ESR1: variants seen among roughly 807,000 people sequenced by gnomAD.
ESR1 encodes the protein estrogen receptor 1.
Under a neutral mutation model 52.7 loss-of-function variants are expected in ESR1, and 12 were observed. The ratio of observed to expected loss-of-function variants is 0.23; its 90% CI spans 0.15 to 0.37. The LOEUF (loss-of-function observed/expected upper bound fraction) is 0.37, where lower values mean the gene tolerates loss of function less well. ESR1 is among the 10% of genes least tolerant of loss of function. The pLI, the probability that ESR1 is intolerant of heterozygous loss-of-function variation, is 1.00. For missense variants in ESR1, 584 were observed against 779.7 expected, an observed-to-expected ratio of 0.75 and a Z score of 2.99; for synonymous variants, 305 against 316.8, an observed-to-expected ratio of 0.96 and a Z score of 0.39.
intron 2 of ESR1, among the ~76,000 whole-genome samples, chr6:151,877,816 CTT>C (rs918328094): frequency 6.8e-6 from 1 of 147,936 alleles, no homozygotes; most frequent in Non-Finnish European, 1.5e-5. Flanking sequence ...TTATTTTATT[CTT>C]TTTTTTTTAG....
chr6:151,818,526 C>T (rs1405387949), intron 1 of ESR1, among the ~76,000 whole-genome samples: 1 of 152,162 alleles, frequency 6.6e-6, no homozygotes, highest in Non-Finnish European at 1.5e-5. Context: ...GCAAAGTTAT[C>T]AAGTAACTTG....
At chr6:152,079,940 G>A (rs911983212) in intron 6 of ESR1, among the ~76,000 whole-genome samples, 4 of 152,238 alleles carry the variant, frequency 2.6e-5, no homozygotes, top group Admixed American at 6.5e-5. Flanking sequence ...CAAGATGAGA[G>A]AAAAGAAGAG....
At chr6:152,009,062 C>T (rs891353822) in intron 4 of ESR1, among the ~76,000 whole-genome samples, 23 of 152,056 alleles carry the variant, frequency 1.5e-4, no homozygotes, top group African/African-American at 5.6e-4. Context: ...CCCAGTACAT[C>T]CTACAGGTAA....
rs376774259 is a variant in ESR1 at position 151,916,521 on chromosome 6, A to G, written c.761-27652A>G. Among the ~76,000 whole-genome samples, 3 of 152,196 alleles carry G rather than the reference A, an allele frequency of 2.0e-5. No homozygotes were observed. The East Asian group carries it at 5.8e-4, about 29-fold the overall frequency. ...TGGGGCAATAGGTACCTCCTTTGGA[A>G]TAAGCATGGTGAGAAAGAATTGCTT... On this transcript the variant is annotated intron_variant, in intron 3 of 7. Coordinates refer to ENST00000206249, the MANE Select transcript of ESR1 (RefSeq NM_000125.4).
At chr6:151,949,928 T>G (rs2036145803) in intron 4 of ESR1, among the ~76,000 whole-genome samples, 1 of 152,248 alleles carries the variant, frequency 6.6e-6, no homozygotes, top group Non-Finnish European at 1.5e-5. Context: ...ATGGTTTGCC[T>G]GTGTCCCCAC....
intron 3 of ESR1, among the ~76,000 whole-genome samples, chr6:151,937,120 A>G (rs116277013): frequency 1.3e-5 from 2 of 152,300 alleles, no homozygotes; most frequent in South Asian, 4.1e-4. Context: ...GTTTGAGACT[A>G]TGTGTGGAAA....
chr6:151,885,417 T>G (rs968480528), intron 3 of ESR1, among the ~76,000 whole-genome samples: 1 of 152,154 alleles, frequency 6.6e-6, no homozygotes, highest in African/African-American at 2.4e-5. Flanking sequence ...ATATTATTAC[T>G]CAAGAATGTG....
chr6:152,098,890 C>A lies in ESR1; in HGVS notation c.1712C>A (p.Ala571Glu). 1.9e-6 allele frequency: 3 copies of A among 1,614,188 alleles called. No homozygotes were observed. In the South Asian group the frequency reaches 3.3e-5, roughly 18 times the overall value. ...EETDQSHLAT[A>E]GSTSSHSLQK... Reference sequence around the variant, plus strand: ...ACGGACCAAAGCCACTTGGCCACTGCGGGCTCTACTTCATCGCATTCCTTG... The same window carrying A: ...ACGGACCAAAGCCACTTGGCCACTGAGGGCTCTACTTCATCGCATTCCTTG... Residue 571 changes from alanine (A) to glutamate (E), a missense_variant, in exon 8 of 8, where the codon GCG becomes GAG. By Grantham distance (107) the Ala-to-Glu change is moderately radical. Transcript: ENST00000206249. This position sits in a 1 kb window ranked among gnomAD's most constrained non-coding sequence, Gnocchi z 5.1.
At chr6:151,727,652 C>T (rs1781945721) in intron 2 of ESR1, among the ~76,000 whole-genome samples, 1 of 152,030 alleles carries the variant, frequency 6.6e-6, no homozygotes, top group South Asian at 2.1e-4. Flanking sequence ...GTCTATATTC[C>T]CACCCAAATC....
intron 2 of ESR1, among the ~76,000 whole-genome samples, chr6:151,862,143 A>G (rs1789000409): frequency 6.6e-6 from 1 of 152,212 alleles, no homozygotes; most frequent in Non-Finnish European, 1.5e-5. Context: ...TTAATCCTCC[A>G]TAAAATTTGA....
At chr6:151,673,926 G>GTT (rs1778164902) in intron 1 of ESR1, among the ~76,000 whole-genome samples, 1 of 152,084 alleles carries the variant, frequency 6.6e-6, no homozygotes, top group South Asian at 2.1e-4. Flanking sequence ...TTTTGTGTGT[G>GTT]TTTACACATC....
intron 2 of ESR1, among the ~76,000 whole-genome samples, chr6:151,768,383 T>A (rs1785235341): frequency 6.6e-6 from 1 of 152,194 alleles, no homozygotes; most frequent in African/African-American, 2.4e-5. Context: ...TGGCTAGAAC[T>A]CTTCAAAATT....
intron 1 of ESR1, among the ~76,000 whole-genome samples, chr6:151,669,826 A>G (rs1293954): frequency 0.28 from 41,955 of 151,848 alleles, 6,370 homozygotes; most frequent in East Asian, 0.41. Flanking sequence ...GAGTAGCAGA[A>G]TCAACACAAG....
At chr6:151,961,063 G>C (rs1373547341) in intron 4 of ESR1, among the ~76,000 whole-genome samples, 2 of 152,220 alleles carry the variant, frequency 1.3e-5, no homozygotes, top group Non-Finnish European at 2.9e-5. Flanking sequence ...TGTTGGCTAT[G>C]TTGAATTTGA....
intron 1 of ESR1, among the ~76,000 whole-genome samples, chr6:151,663,032 G>C (rs1264692093): frequency 6.6e-6 from 1 of 150,956 alleles, no homozygotes; most frequent in African/African-American, 2.4e-5. Flanking sequence ...CATTATTCTA[G>C]TCTGTTAAAT....
chr6:151,886,563 A>G (rs1472989562), intron 3 of ESR1, among the ~76,000 whole-genome samples: 2 of 152,248 alleles, frequency 1.3e-5, no homozygotes, highest in African/African-American at 2.4e-5. Flanking sequence ...ACAGGGAAAT[A>G]TACATGTGTC....
At position 151,898,744 on chromosome 6, in the gene ESR1, G is replaced by T. The variant is rs1407299211; in HGVS notation, c.760+17973G>T. On this transcript the variant is annotated intron_variant, in intron 3 of 7. Coordinates refer to ENST00000206249, the MANE Select transcript of ESR1 (RefSeq NM_000125.4). ...AGGTCACAGATCAACAGGATCCCAA[G>T]GCAGAAGAATTTTTCTTAGTACAGA... Among the ~76,000 whole-genome samples the T allele has an allele frequency of 5.3e-5, 8 of 152,272 alleles. No individual in the cohort carries two copies. In the South Asian group the frequency reaches 1.7e-3, roughly 32 times the overall value.
At chr6:151,701,289 G>A (rs1431787885) in intron 1 of ESR1, among the ~76,000 whole-genome samples, 1 of 151,644 alleles carries the variant, frequency 6.6e-6, no homozygotes, top group Admixed American at 6.6e-5. Context: ...ACTTTGAGAG[G>A]CTGAGGTGGG....
rs762165734 is a variant in ESR1 at position 151,808,143 on chromosome 6, C to T, written c.231C>T (p.Gly77=). 4.4e-6 allele frequency: 7 copies of T among 1,603,510 alleles called. No individual in the cohort carries two copies. In the South Asian group the frequency reaches 7.8e-5, roughly 18 times the overall value. ...ACGCGCAGGTCTACGGTCAGACCGG[C>T]CTCCCCTACGGCCCCGGGTCTGAGG... The part of the protein sequence containing the change: ...AANAQVYGQT[G]LPYGPGSEAA... Residue 77 remains glycine (G), a synonymous_variant, in exon 1 of 8, where the codon GGC becomes GGT. Coordinates refer to ENST00000206249, the MANE Select transcript of ESR1 (RefSeq NM_000125.4).
Sources: allele counts gnomAD v4.1 joint callset (sites outside exome capture counted in the v4.1 genomes callset), GRCh38; gene constraint gnomAD v4.1.1; non-coding constraint Gnocchi (gnomAD v3.1); transcripts MANE v1.5; gene names NCBI Gene and HGNC (gene_info 2026-07-23, HGNC 2026-07-21).